FSTL4: variants seen among roughly 807,000 people sequenced by gnomAD.
The protein encoded by FSTL4 is follistatin-related protein 4.
FSTL4 carries 28 observed loss-of-function variants against 78.2 expected under a neutral mutation model. The observed-to-expected ratio is 0.36, with a 90% CI of 0.27 to 0.49. FSTL4 has a LOEUF of 0.49. Among genes scored for constraint, FSTL4 ranks in the 20% least tolerant of loss-of-function variants. The pLI is 0.98. For missense variants in FSTL4, 922 were observed against 1,084.9 expected (o/e 0.85, Z 2.11); for synonymous variants, 422 against 440.5 (o/e 0.96, Z 0.53).
intron 4 of FSTL4, among the ~76,000 whole-genome samples, chr5:133,377,083 G>A (rs1399526978): frequency 6.6e-6 from 1 of 152,010 alleles, no homozygotes; most frequent in African/African-American, 2.4e-5. Flanking sequence ...TCCCTGGGAG[G>A]TCAGGATGCC....
At chr5:133,286,086 C>T (rs1170673645) in intron 6 of FSTL4, among the ~76,000 whole-genome samples, 2 of 152,194 alleles carry the variant, frequency 1.3e-5, no homozygotes, top group South Asian at 2.1e-4. Context: ...GACATGGTCA[C>T]GACACAAGGC....
upstream of FSTL4, among the ~76,000 whole-genome samples, chr5:133,616,124 C>A (rs1270900973): frequency 1.3e-5 from 2 of 152,050 alleles, no homozygotes; most frequent in African/African-American, 4.8e-5. Flanking sequence ...GATGAGATGG[C>A]CAGGCCTACA....
At chr5:133,252,368 C>G (rs940475669) in intron 6 of FSTL4, 1 of 152,150 alleles carries the variant, frequency 6.6e-6, no homozygotes, top group African/African-American at 2.4e-5. Flanking sequence ...TTCTCAGGTG[C>G]GGCTCCCCAG....
chr5:133,747,107 C>T, the FSTL4 span, among the ~76,000 whole-genome samples: 21 of 152,278 alleles, frequency 1.4e-4, no homozygotes, highest in South Asian at 3.5e-3. Context: ...CATGCCACCC[C>T]GCCTGTTGTT....
chr5:133,661,395 T>C, the FSTL4 span, among the ~76,000 whole-genome samples: 8 of 152,216 alleles, frequency 5.3e-5, no homozygotes, highest in African/African-American at 1.9e-4. Flanking sequence ...AGAGCTTCAC[T>C]CGGTGGCGGT....
intron 2 of FSTL4, among the ~76,000 whole-genome samples, chr5:133,594,745 C>A (rs1023055037): frequency 6.6e-6 from 1 of 152,104 alleles, no homozygotes. Flanking sequence ...TCTATAGAGA[C>A]CAAAGTTTTC....
rs191149670 is a variant in FSTL4, at chr5:133,209,232, T to C, written c.1716+959A>G. Among the ~76,000 whole-genome samples, 206 of 152,226 alleles carry C rather than the reference T, an allele frequency of 1.4e-3. No individual in the cohort carries two copies. The Middle Eastern group carries it at 0.041, about 30-fold the overall frequency. On this transcript the variant is annotated intron_variant, in intron 14 of 15. Coordinates refer to ENST00000265342, the MANE Select transcript of FSTL4 (RefSeq NM_015082.2). ...CCAGTGTGACAGTGGCCTCAGAGTA[T>C]AGAAACTGAAGTTGTGAGTGATGCA...
the FSTL4 span, among the ~76,000 whole-genome samples, chr5:133,645,157 C>T: frequency 2.6e-5 from 4 of 152,214 alleles, no homozygotes; most frequent in East Asian, 1.9e-4. Flanking sequence ...TGTGTCCTTT[C>T]GAAATCCCGA....
the FSTL4 span, among the ~76,000 whole-genome samples, chr5:133,782,135 T>G: frequency 5.3e-5 from 8 of 152,298 alleles, 1 homozygote; most frequent in African/African-American, 1.9e-4. Flanking sequence ...AGACAGGAGA[T>G]TCACAAAAGA....
chr5:133,329,308 C>T (rs1754287150), intron 4 of FSTL4, among the ~76,000 whole-genome samples: 1 of 152,076 alleles, frequency 6.6e-6, no homozygotes, highest in Non-Finnish European at 1.5e-5. Flanking sequence ...GCGATCCTGA[C>T]CTTCACGGTA....
rs148431350 is a variant in FSTL4, at chr5:133,236,392, G to A, written c.895-2855C>T. Among the ~76,000 whole-genome samples the A allele has an allele frequency of 5.6e-3, 857 of 151,748 alleles. 2 individuals carry two copies. The highest frequency in any genetic ancestry group is 7.5e-3 in the Non-Finnish European group (509 of 67,948). On this transcript the variant is annotated intron_variant, in intron 7 of 15. Transcript: ENST00000265342. This position sits in a 1 kb window ranked among gnomAD's most constrained non-coding sequence, Gnocchi z 5.0. ...GTTACCGTGTGCCGGGAACTTACAC[G>A]TCACCTTGTATGTATTTAATCCTCA...
chr5:133,579,178 G>C (rs965240763), intron 2 of FSTL4, among the ~76,000 whole-genome samples: 3 of 152,192 alleles, frequency 2.0e-5, no homozygotes, highest in Admixed American at 2.0e-4. Context: ...ATCTCCCCCA[G>C]GGTCCACGTC....
the FSTL4 span, among the ~76,000 whole-genome samples, chr5:133,638,327 A>G: frequency 6.6e-6 from 1 of 152,142 alleles, no homozygotes; most frequent in Non-Finnish European, 1.5e-5. Context: ...ATCCTGTGAA[A>G]TAGCTGTTGG....
At chr5:133,743,579 T>C in the FSTL4 span, among the ~76,000 whole-genome samples, 7 of 152,354 alleles carry the variant, frequency 4.6e-5, no homozygotes, top group South Asian at 1.2e-3. Flanking sequence ...AACTAAATAA[T>C]GCAATTCACA....
intron 3 of FSTL4, among the ~76,000 whole-genome samples, chr5:133,533,141 T>C (rs1173939645): frequency 6.6e-6 from 1 of 152,234 alleles, no homozygotes. Context: ...GGTCATGATG[T>C]AGCTTTCACA....
chr5:133,311,468 C>T (rs1176091614), intron 6 of FSTL4, among the ~76,000 whole-genome samples: 1 of 152,166 alleles, frequency 6.6e-6, no homozygotes, highest in African/African-American at 2.4e-5. Context: ...AGCTCATGGA[C>T]ACTGCCCATA....
intron 3 of FSTL4, among the ~76,000 whole-genome samples, chr5:133,444,139 C>A (rs947637504): frequency 1.6e-4 from 24 of 152,266 alleles, no homozygotes; most frequent in African/African-American, 5.8e-4. Flanking sequence ...TCAAAGCAGG[C>A]ACTCAACCAA....
intron 13 of FSTL4, among the ~76,000 whole-genome samples, chr5:133,216,618 T>G (rs765255252): frequency 8.5e-5 from 13 of 152,252 alleles, no homozygotes; most frequent in Non-Finnish European, 1.5e-4. Context: ...CCCAAAGTGC[T>G]GGGATTATAG....
chr5:133,704,719 C>A, the FSTL4 span, among the ~76,000 whole-genome samples: 16 of 152,336 alleles, frequency 1.1e-4, 1 homozygote, highest in African/African-American at 3.1e-4. Context: ...CACTCCACCC[C>A]CTGGGGTGTA....
Sources: gnomAD v4.1 joint callset for allele counts (sites outside exome capture counted in the v4.1 genomes callset) on GRCh38, gnomAD v4.1.1 for gene constraint, Gnocchi (gnomAD v3.1) non-coding constraint, MANE v1.5 for transcripts, NCBI Gene and HGNC (gene_info 2026-07-23, HGNC 2026-07-21) for gene names.